The following EBF1 variants were observed in gnomAD, a reference collection of about 807,000 sequenced individuals.
EBF1 encodes EBF transcription factor 1.
A neutral mutation model predicts 68.4 loss-of-function variants in EBF1; 10 were observed. The observed-to-expected ratio is 0.15, with a 90% CI of 0.09 to 0.25. The LOEUF is 0.25. EBF1 is among the 10% of genes least tolerant of loss of function. The pLI, the probability that EBF1 is intolerant of heterozygous loss-of-function variation, is 1.00. For synonymous variants in EBF1, 298 were observed against 299.8 expected (o/e 0.99, Z 0.06); for missense variants, 509 against 794.4 (o/e 0.64, Z 4.32).
At chr5:159,027,457 T>G (rs1767928549) in intron 6 of EBF1, among the ~76,000 whole-genome samples, 1 of 152,162 alleles carries the variant, frequency 6.6e-6, no homozygotes, top group Non-Finnish European at 1.5e-5. Context: ...TGCTTAACAT[T>G]CAGCACTCAA....
At chr5:159,082,498 T>G in intron 5 of EBF1, among the ~76,000 whole-genome samples, 1 of 152,196 alleles carries the variant, frequency 6.6e-6, no homozygotes, top group East Asian at 1.9e-4. Context: ...ATGCTTATAA[T>G]TGAGCCTGCA....
chr5:158,898,767 A>C (rs1202674149), intron 6 of EBF1, among the ~76,000 whole-genome samples: 1 of 152,194 alleles, frequency 6.6e-6, no homozygotes, highest in Non-Finnish European at 1.5e-5. Flanking sequence ...ATGCAACTCT[A>C]ATAGGCAGAA....
intron 8 of EBF1, among the ~76,000 whole-genome samples, chr5:158,805,013 C>T (rs1781312222): frequency 6.6e-6 from 1 of 152,078 alleles, no homozygotes; most frequent in Admixed American, 6.6e-5. Flanking sequence ...GTAAATAACT[C>T]TCTTCATCCT....
chr5:159,023,294 GAT>G (rs1767084220), intron 6 of EBF1, among the ~76,000 whole-genome samples: 1 of 152,018 alleles, frequency 6.6e-6, no homozygotes, highest in Non-Finnish European at 1.5e-5. Context: ...TTACATGATA[GAT>G]ACAGCACTAA....
intron 12 of EBF1, among the ~76,000 whole-genome samples, chr5:158,713,772 G>T (rs2127493390): frequency 6.6e-6 from 1 of 152,236 alleles, no homozygotes; most frequent in African/African-American, 2.4e-5. Context: ...ACTTTTTGGA[G>T]AAAAAATTAA....
chr5:159,031,819 C>T (rs967630740), intron 6 of EBF1, among the ~76,000 whole-genome samples: 12 of 152,152 alleles, frequency 7.9e-5, no homozygotes, highest in Non-Finnish European at 1.8e-4. Flanking sequence ...CTAAATCTAA[C>T]CCAGCAATGA....
At chr5:159,024,012 C>G (rs1767234098) in intron 6 of EBF1, among the ~76,000 whole-genome samples, 3 of 151,984 alleles carry the variant, frequency 2.0e-5, no homozygotes, top group Non-Finnish European at 4.4e-5. Context: ...ATTATTCAAG[C>G]AAGGAAAGAG....
At position 158,696,116 on chromosome 5, in the gene EBF1, C is replaced by T. The variant is rs567913450; in HGVS notation, c.*2995G>A. ...AGGTTAGTAGATTTAGAGATGACTT[C>T]ATTTAAGCTGCATCCTAGTACAATG... On this transcript the variant is annotated 3_prime_UTR_variant, in exon 16 of 16. Transcript: ENST00000313708. 1 of 215,658 alleles carries T rather than the reference C, an allele frequency of 4.6e-6. No homozygotes were observed. The highest frequency in any genetic ancestry group is 6.9e-5 in the East Asian group (1 of 14,568). 13.4% of individuals were successfully genotyped at this position (215,658 alleles called of 1,614,324 possible). A position where few individuals can be genotyped will look rare whatever the true frequency, so the allele number is the denominator to read the frequency against.
At chr5:158,806,668 G>C (rs1275875397) in intron 8 of EBF1, among the ~76,000 whole-genome samples, 2 of 152,172 alleles carry the variant, frequency 1.3e-5, no homozygotes, top group Non-Finnish European at 2.9e-5. Flanking sequence ...TTATTGCTAT[G>C]AATGTGCACA....
intron 10 of EBF1, among the ~76,000 whole-genome samples, chr5:158,769,949 C>T (rs534010068): frequency 2.2e-4 from 34 of 152,220 alleles, no homozygotes; most frequent in Admixed American, 1.4e-3. Flanking sequence ...ATTCATTACC[C>T]AGCCCTCTTT....
At chr5:158,718,026 T>C (rs1279855194) in intron 11 of EBF1, among the ~76,000 whole-genome samples, 1 of 152,176 alleles carries the variant, frequency 6.6e-6, no homozygotes, top group Admixed American at 6.5e-5. Flanking sequence ...AGTTCAAATG[T>C]AGCTGGCATG....
chr5:158,713,241 C>A, intron 12 of EBF1, 94 bp from the exon 13 acceptor site: 1 of 1,116,904 alleles, frequency 9.0e-7, no homozygotes, highest in Non-Finnish European at 1.2e-6. Flanking sequence ...TCAGGGTTTT[C>A]AATGGTCAGC....
At chr5:159,008,582 G>C (rs1764020742) in intron 6 of EBF1, among the ~76,000 whole-genome samples, 1 of 149,904 alleles carries the variant, frequency 6.7e-6, no homozygotes, top group Non-Finnish European at 1.5e-5. Flanking sequence ...CTGGACAGCA[G>C]TGGCACAATC....
intron 6 of EBF1, among the ~76,000 whole-genome samples, chr5:158,933,533 T>C (rs1811343506): frequency 6.6e-6 from 1 of 152,244 alleles, no homozygotes; most frequent in Admixed American, 6.5e-5. Context: ...AAAATTCAAC[T>C]ACTCATTAAA....
chr5:158,867,984 G>T (rs1473731369), intron 6 of EBF1, among the ~76,000 whole-genome samples: 1 of 151,708 alleles, frequency 6.6e-6, no homozygotes, highest in East Asian at 1.9e-4. Flanking sequence ...TCCTACAAAA[G>T]CTTAATTTTT....
At chr5:159,092,753 C>A (rs1485347980) in intron 4 of EBF1, among the ~76,000 whole-genome samples, 1 of 152,264 alleles carries the variant, frequency 6.6e-6, no homozygotes, top group East Asian at 1.9e-4. Flanking sequence ...AATAAACAGG[C>A]AGCTAAGAAA....
At chr5:159,002,886 G>A (rs1048954816) in intron 6 of EBF1, among the ~76,000 whole-genome samples, 1 of 152,210 alleles carries the variant, frequency 6.6e-6, no homozygotes, top group African/African-American at 2.4e-5. Flanking sequence ...TGGATGGAGA[G>A]CTAGAGGACT....
chr5:158,739,453 TA>T (rs1765850030), intron 10 of EBF1, among the ~76,000 whole-genome samples: 1 of 152,224 alleles, frequency 6.6e-6, no homozygotes, highest in South Asian at 2.1e-4. Context: ...ACTTTAAAAC[TA>T]AAATAAAATC....
intron 7 of EBF1, 102 bp downstream of exon 7, chr5:158,839,927 A>C (rs1789797140): frequency 9.8e-6 from 11 of 1,126,642 alleles, no homozygotes; most frequent in Non-Finnish European, 1.3e-5. Context: ...GCTGCTCTTC[A>C]CCTCTGGGAA....
Sources: allele counts gnomAD v4.1 joint callset (sites outside exome capture counted in the v4.1 genomes callset), GRCh38; gene constraint gnomAD v4.1.1; transcripts MANE v1.5; gene names NCBI Gene and HGNC (gene_info 2026-07-23, HGNC 2026-07-21).